Variants in KLHDC4 observed in about 807,000 individuals in gnomAD.
The protein encoded by KLHDC4 is kelch domain-containing protein 4.
Under a neutral mutation model 62.4 loss-of-function variants are expected in KLHDC4, and 90 were observed. That is an observed-to-expected ratio of 1.44 (90% CI 1.22 to 1.72). The LOEUF is 1.72. Among genes scored for constraint, KLHDC4 ranks in the 40% most tolerant of loss-of-function variants. KLHDC4 has a pLI of 0.00. For synonymous variants in KLHDC4, 386 were observed against 284.4 expected (o/e 1.36, Z -3.59); for missense variants, 1,025 against 699.7 (o/e 1.47, Z -5.25).
chr16:87,735,562 T>C (rs1435661763), intron 5 of KLHDC4, among the ~76,000 whole-genome samples: 9 of 152,232 alleles, frequency 5.9e-5, no homozygotes, highest in Non-Finnish European at 8.8e-5. Flanking sequence ...CAATTAACTT[T>C]TTGTGGCAGT....
chr16:87,707,171 G>C (rs1251661626), downstream of KLHDC4, among the ~76,000 whole-genome samples: 1 of 152,222 alleles, frequency 6.6e-6, no homozygotes, highest in African/African-American at 2.4e-5. Flanking sequence ...TTCAGTCTTG[G>C]ACTGGAGCAG....
At chr16:87,752,557 G>A (rs961570163) in intron 4 of KLHDC4, among the ~76,000 whole-genome samples, 12 of 151,894 alleles carry the variant, frequency 7.9e-5, no homozygotes, top group East Asian at 3.9e-4. Flanking sequence ...GGATGGTCTC[G>A]ATCTCCTGAC....
chr16:87,760,266 G>C (rs562026543), intron 2 of KLHDC4, among the ~76,000 whole-genome samples: 3 of 150,140 alleles, frequency 2.0e-5, no homozygotes, highest in Admixed American at 6.7e-5. Context: ...GGCCAGGTAC[G>C]GTGACTTGAG....
At chr16:87,743,933 TGCGATTTATCAGCAAAC>T (rs1275322330) in intron 5 of KLHDC4, among the ~76,000 whole-genome samples, 3 of 151,856 alleles carry the variant, frequency 2.0e-5, no homozygotes, top group African/African-American at 7.3e-5. Context: ...ACTGCCTAAA[TGCGATTTATCAGCAAAC>T]GCAATCCAGT....
At chr16:87,734,301 G>A (rs142882525) in intron 5 of KLHDC4, among the ~76,000 whole-genome samples, 6 of 152,126 alleles carry the variant, frequency 3.9e-5, no homozygotes, top group South Asian at 2.1e-4. Context: ...CCGACACTGC[G>A]CCACTGCACT....
intron 4 of KLHDC4, among the ~76,000 whole-genome samples, chr16:87,753,662 G>A (rs529105680): frequency 4.5e-4 from 69 of 152,214 alleles, no homozygotes; most frequent in African/African-American, 1.5e-3. Flanking sequence ...TTACCTAGGC[G>A]TGGTGGCACA....
chr16:87,706,757 T>G (rs2034782582), downstream of KLHDC4, among the ~76,000 whole-genome samples: 1 of 152,180 alleles, frequency 6.6e-6, no homozygotes, highest in Admixed American at 6.5e-5. Flanking sequence ...GTGCAAGAGC[T>G]GGCCGAGTGC....
chr16:87,759,520 G>A (rs1008924037), intron 2 of KLHDC4, among the ~76,000 whole-genome samples: 4 of 152,198 alleles, frequency 2.6e-5, no homozygotes, highest in Non-Finnish European at 4.4e-5. Flanking sequence ...GCCGAGGTGG[G>A]TGGATCACCT....
chr16:87,738,354 C>A (rs902624623), intron 5 of KLHDC4, among the ~76,000 whole-genome samples: 1 of 140,486 alleles, frequency 7.1e-6, no homozygotes. Context: ...CACACACGGA[C>A]GTGCACACAC....
Position 87,718,283 on chromosome 16 carries a change from C to T in KLHDC4, c.760-3710G>A, listed in dbSNP as rs561041688. On this transcript the variant is annotated intron_variant, in intron 7 of 11. Coordinates refer to ENST00000270583, the MANE Select transcript of KLHDC4 (RefSeq NM_017566.4). ...CTTTCCACAAAAACCGATTCGCTCTCGCTCTCCCTCTCCCTCTCCCTCCCC... is the reference window on the plus strand; with the variant it reads ...CTTTCCACAAAAACCGATTCGCTCTTGCTCTCCCTCTCCCTCTCCCTCCCC... Among the ~76,000 whole-genome samples, 395 of 145,088 alleles carry T rather than the reference C, an allele frequency of 2.7e-3. 2 individuals are homozygous for T. Among genetic ancestry groups the T allele is most frequent in the Non-Finnish European group, 4.0e-3 (261 of 65,970 alleles).
chr16:87,747,460 A>C (rs2043207585), intron 5 of KLHDC4: 1 of 152,242 alleles, frequency 6.6e-6, no homozygotes, highest in East Asian at 1.9e-4. Flanking sequence ...CATTTTTAGC[A>C]TGAAAGTAAT....
chr16:87,748,171 C>A (rs982493252), intron 5 of KLHDC4, among the ~76,000 whole-genome samples: 29 of 152,202 alleles, frequency 1.9e-4, no homozygotes, highest in African/African-American at 7.0e-4. Context: ...GAAACCCCAT[C>A]AGCAACATTC....
At chr16:87,761,815 T>C in intron 2 of KLHDC4, 134 bp downstream of exon 2, 1 of 872,052 alleles carries the variant, frequency 1.1e-6, no homozygotes, top group Non-Finnish European at 1.8e-6. Context: ...CAGCAGAAAG[T>C]GACCAAGAAC....
chr16:87,742,522 G>A lies in KLHDC4; in HGVS notation c.506+6151C>T, dbSNP rs138159409. On this transcript the variant is annotated intron_variant, in intron 5 of 11. Coordinates refer to ENST00000270583, the MANE Select transcript of KLHDC4 (RefSeq NM_017566.4). ...ATAAGCATGCCTTCCACCAGTCACA[G>A]AGGCTGATGGATCAGATCACAACTG... Among the ~76,000 whole-genome samples the A allele has an allele frequency of 3.4e-3, 525 of 152,312 alleles. 2 individuals carry two copies. The highest frequency in any genetic ancestry group is 5.7e-3 in the Non-Finnish European group (387 of 68,032).
intron 7 of KLHDC4, among the ~76,000 whole-genome samples, chr16:87,721,553 A>T (rs2038352676): frequency 6.6e-6 from 1 of 151,906 alleles, no homozygotes; most frequent in African/African-American, 2.4e-5. Context: ...GCAGCCGGTG[A>T]CCTGGGAGAG....
intron 5 of KLHDC4, among the ~76,000 whole-genome samples, chr16:87,736,056 C>G (rs1299087896): frequency 1.3e-5 from 2 of 152,234 alleles, no homozygotes; most frequent in Non-Finnish European, 2.9e-5. Context: ...TACAGTCACG[C>G]ACTGCTTAAT....
chr16:87,761,885 A>T, intron 2 of KLHDC4, 64 bp downstream of exon 2: 2 of 1,488,732 alleles, frequency 1.3e-6, no homozygotes, highest in Non-Finnish European at 1.9e-6. Flanking sequence ...GGTGCTATTT[A>T]AAGCAGTTTT....
At chr16:87,712,262 T>C (rs1246921595) in intron 8 of KLHDC4, among the ~76,000 whole-genome samples, 8 of 151,874 alleles carry the variant, frequency 5.3e-5, no homozygotes, top group Non-Finnish European at 1.0e-4. Context: ...GAGATTTTTT[T>C]CCTCCAATGA....
intron 4 of KLHDC4, among the ~76,000 whole-genome samples, chr16:87,751,180 T>C (rs553060335): frequency 2.0e-5 from 3 of 152,272 alleles, no homozygotes; most frequent in East Asian, 1.9e-4. Context: ...AATAGATGCA[T>C]AGAAATATGA....
Sources: allele counts gnomAD v4.1 joint callset (sites outside exome capture counted in the v4.1 genomes callset), GRCh38; gene constraint gnomAD v4.1.1; transcripts MANE v1.5; gene names NCBI Gene and HGNC (gene_info 2026-07-23, HGNC 2026-07-21).